The following WWC1 variants were observed in gnomAD, a reference collection of about 807,000 sequenced individuals.
WWC1 encodes the protein protein KIBRA.
WWC1 carries 55 observed loss-of-function variants against 138.4 expected under a neutral mutation model. That is an observed-to-expected ratio of 0.40 (90% CI 0.32 to 0.50). The LOEUF (loss-of-function observed/expected upper bound fraction) is 0.50, where lower values mean the gene tolerates loss of function less well. Ranked by LOEUF, WWC1 falls within the 20% of genes least tolerant of loss-of-function variation. WWC1 has a pLI of 0.72. For missense variants in WWC1, 1,226 were observed against 1,420.4 expected, an observed-to-expected ratio of 0.86 and a Z score of 2.20; for synonymous variants, 524 against 564.9, an observed-to-expected ratio of 0.93 and a Z score of 1.03.
In WWC1 at chr5:168,374,836, A is replaced by G. The variant is rs143575112; in HGVS notation, c.229+3303A>G. Among the ~76,000 whole-genome samples the G allele has an allele frequency of 8.0e-3, 1,220 of 152,328 alleles. 11 individuals are homozygous for G. Among genetic ancestry groups the G allele is most frequent in the East Asian group, 0.03 (154 of 5,180 alleles). On this transcript the variant is annotated intron_variant, in intron 2 of 22. Coordinates refer to ENST00000265293, the MANE Select transcript of WWC1 (RefSeq NM_015238.3). ...CTAGACCTGGGCTGTAGCAATGGTC[A>G]GGGTGAAGATTGGCCAGATGCTGGA... is the stretch of plus-strand genomic sequence containing the variant.
chr5:168,306,208 C>T (rs2152744731), intron 1 of WWC1, among the ~76,000 whole-genome samples: 1 of 152,156 alleles, frequency 6.6e-6, no homozygotes, highest in African/African-American at 2.4e-5. Context: ...ACCAGCCTGG[C>T]CAACATGGTG....
Position 168,378,176 on chromosome 5 carries a change from A to G in WWC1, c.229+6643A>G, listed in dbSNP as rs56973736. Among the ~76,000 whole-genome samples, 861 of 152,344 alleles carry G rather than the reference A, an allele frequency of 5.7e-3. 5 individuals are homozygous for G. Among genetic ancestry groups the G allele is most frequent in the African/African-American group, 0.02 (835 of 41,570 alleles). ...ATTCTAAGCAAATTAATACAAGGAC[A>G]AACACTCAAATACCACTTGTTCTCA... On this transcript the variant is annotated intron_variant, in intron 2 of 22. Transcript: ENST00000265293.
At chr5:168,351,698 C>T (rs1774972087) in intron 1 of WWC1, among the ~76,000 whole-genome samples, 1 of 152,128 alleles carries the variant, frequency 6.6e-6, no homozygotes, top group East Asian at 1.9e-4. Context: ...GATTGGGCAG[C>T]CCAGGCAAAG....
intron 21 of WWC1, among the ~76,000 whole-genome samples, chr5:168,466,841 C>A (rs967092166): frequency 1.3e-5 from 2 of 151,926 alleles, no homozygotes; most frequent in East Asian, 3.9e-4. Flanking sequence ...AACACTTGAT[C>A]TTATTCGAAA....
At chr5:168,329,727 T>A (rs1772867547) in intron 1 of WWC1, among the ~76,000 whole-genome samples, 2 of 152,054 alleles carry the variant, frequency 1.3e-5, no homozygotes. Flanking sequence ...GGTCAGTGCA[T>A]GAAAATGGAA....
At chr5:168,351,329 G>A (rs890032048) in intron 1 of WWC1, among the ~76,000 whole-genome samples, 1 of 152,092 alleles carries the variant, frequency 6.6e-6, no homozygotes, top group African/African-American at 2.4e-5. Context: ...AAAGGGAATA[G>A]CATTTTCCCT....
intron 3 of WWC1, among the ~76,000 whole-genome samples, chr5:168,390,742 C>T (rs1213311188): frequency 1.3e-5 from 2 of 152,248 alleles, no homozygotes; most frequent in African/African-American, 4.8e-5. Context: ...TGCTCTGGGT[C>T]CCAGACACAG....
intron 1 of WWC1, among the ~76,000 whole-genome samples, chr5:168,313,231 A>C (rs1285812259): frequency 6.6e-6 from 1 of 151,898 alleles, no homozygotes; most frequent in African/African-American, 2.4e-5. Context: ...TGTGATTCCT[A>C]CCCTCTTGCT....
At chr5:168,441,891 G>A (rs1439181597) in intron 16 of WWC1, 57 bp downstream of exon 16, 12 of 1,572,796 alleles carry the variant, frequency 7.6e-6, no homozygotes, top group Non-Finnish European at 1.0e-5. Context: ...ATGTTGGAAG[G>A]GAAAGCCTCT....
chr5:168,459,466 T>C (rs956183348), intron 19 of WWC1, among the ~76,000 whole-genome samples: 18 of 152,246 alleles, frequency 1.2e-4, no homozygotes, highest in African/African-American at 4.3e-4. Flanking sequence ...CTGGTTTTGA[T>C]GCTCCCCAGC....
At chr5:168,325,336 A>G (rs952283214) in intron 1 of WWC1, among the ~76,000 whole-genome samples, 3 of 152,182 alleles carry the variant, frequency 2.0e-5, no homozygotes, top group Non-Finnish European at 2.9e-5. Context: ...TGAGATTGGC[A>G]GGGGCTGGGG....
intron 10 of WWC1, among the ~76,000 whole-genome samples, chr5:168,423,162 A>C (rs926493988): frequency 6.0e-4 from 65 of 108,822 alleles, no homozygotes; most frequent in Middle Eastern, 5.3e-3. Flanking sequence ...AAAAAAAAAA[A>C]AAAAAAAAAA....
chr5:168,308,161 G>T (rs1770751456), intron 1 of WWC1, among the ~76,000 whole-genome samples: 1 of 152,206 alleles, frequency 6.6e-6, no homozygotes, highest in Non-Finnish European at 1.5e-5. Context: ...CTTTAGCCGT[G>T]CATGGGTTAC....
chr5:168,419,666 G>A (rs922421871), intron 9 of WWC1, among the ~76,000 whole-genome samples: 1 of 152,218 alleles, frequency 6.6e-6, no homozygotes, highest in African/African-American at 2.4e-5. Context: ...GCCACAGGCG[G>A]AGAAAGACTA....
chr5:168,341,274 A>G (rs1001949203), intron 1 of WWC1, among the ~76,000 whole-genome samples: 1 of 152,112 alleles, frequency 6.6e-6, no homozygotes, highest in African/African-American at 2.4e-5. Flanking sequence ...TTGCTCTAAG[A>G]TCTGTAGGAC....
In WWC1 at chr5:168,344,813, GA is replaced by G. The variant is rs1191541914; in HGVS notation, c.120-26607del. ...AAACATTTATAGTAAATATTGGGGG[GA>G]AAAGATTTGATCAGGCCTTCATTTT... On this transcript the variant is annotated intron_variant, in intron 1 of 22. Transcript: ENST00000265293. 8.5e-5 allele frequency among the ~76,000 whole-genome samples: 13 copies of G among 152,212 alleles called. No individual in the cohort carries two copies. In the East Asian group the frequency reaches 1.9e-3, roughly 23 times the overall value.
At chr5:168,333,033 T>C (rs1773168439) in intron 1 of WWC1, among the ~76,000 whole-genome samples, 1 of 152,156 alleles carries the variant, frequency 6.6e-6, no homozygotes, top group Non-Finnish European at 1.5e-5. Context: ...TTAAAAATGG[T>C]GGGGGAACCC....
At chr5:168,445,997 AAG>A (rs1755226069) in intron 17 of WWC1, among the ~76,000 whole-genome samples, 1 of 152,130 alleles carries the variant, frequency 6.6e-6, no homozygotes, top group Non-Finnish European at 1.5e-5. Context: ...TTCATTGGCC[AAG>A]CTTAGCCACT....
intron 17 of WWC1, 112 bp downstream of exon 17, chr5:168,444,697 A>C (rs1755080307): frequency 1.8e-6 from 2 of 1,140,412 alleles, no homozygotes; most frequent in Non-Finnish European, 2.6e-6. Flanking sequence ...GGGAAGGCTG[A>C]GAACCCCTCT....
Sources: allele counts gnomAD v4.1 joint callset (sites outside exome capture counted in the v4.1 genomes callset), GRCh38; gene constraint gnomAD v4.1.1; transcripts MANE v1.5; gene names NCBI Gene and HGNC (gene_info 2026-07-23, HGNC 2026-07-21).